RAPGEF5: variants seen among roughly 807,000 people sequenced by gnomAD.
RAPGEF5 encodes M-Ras-regulated GEF.
Under a neutral mutation model 125.2 loss-of-function variants are expected in RAPGEF5, and 65 were observed. That is an observed-to-expected ratio of 0.52 (90% CI 0.43 to 0.64). RAPGEF5 has a LOEUF of 0.64. RAPGEF5 is among the 30% of genes least tolerant of loss of function. RAPGEF5 has a pLI of 0.00. For missense variants in RAPGEF5, 958 were observed against 1,048.1 expected (o/e 0.91, Z 1.19); for synonymous variants, 391 against 385.9 (o/e 1.01, Z -0.16).
chr7:22,233,642 C>A (rs921155927), intron 7 of RAPGEF5, among the ~76,000 whole-genome samples: 3 of 152,156 alleles, frequency 2.0e-5, no homozygotes, highest in Admixed American at 2.0e-4. Flanking sequence ...AAGCAATCCT[C>A]CCGTCTCGGC....
chr7:22,339,380 T>C (rs374807283), intron 1 of RAPGEF5, among the ~76,000 whole-genome samples: 6 of 152,204 alleles, frequency 3.9e-5, no homozygotes, highest in Admixed American at 6.5e-5. Context: ...GCCAGTAACA[T>C]TGCCACATAG....
intron 7 of RAPGEF5, among the ~76,000 whole-genome samples, chr7:22,255,653 T>G (rs1450464098): frequency 6.6e-6 from 1 of 152,120 alleles, no homozygotes; most frequent in Admixed American, 6.5e-5. Context: ...CTTTGATATA[T>G]CATATATATT....
chr7:22,343,449 T>C (rs1477563230), intron 1 of RAPGEF5, among the ~76,000 whole-genome samples: 1 of 152,224 alleles, frequency 6.6e-6, no homozygotes, highest in Non-Finnish European at 1.5e-5. Flanking sequence ...GATTGGGGGC[T>C]TGTTTTGTCT....
chr7:22,328,866 G>A (rs1433158077), intron 1 of RAPGEF5, among the ~76,000 whole-genome samples: 1 of 152,152 alleles, frequency 6.6e-6, no homozygotes, highest in Non-Finnish European at 1.5e-5. Context: ...GAACAACAGG[G>A]CAAAGAGGCC....
chr7:22,193,255 G>T, intron 11 of RAPGEF5, 112 bp downstream of exon 11: 1 of 1,174,264 alleles, frequency 8.5e-7, no homozygotes, highest in Non-Finnish European at 1.2e-6. Context: ...CAAAGCATAT[G>T]CTATTTCTCC....
intron 6 of RAPGEF5, among the ~76,000 whole-genome samples, chr7:22,285,688 T>A (rs1782780634): frequency 6.6e-6 from 1 of 152,202 alleles, no homozygotes; most frequent in Non-Finnish European, 1.5e-5. Context: ...CTGTGAAAGA[T>A]ACACCCTTCA....
chr7:22,247,867 G>T (rs1165424459), intron 7 of RAPGEF5, among the ~76,000 whole-genome samples: 1 of 152,042 alleles, frequency 6.6e-6, no homozygotes, highest in Admixed American at 6.6e-5. Context: ...GTGAATTAAC[G>T]CAGGAACAGA....
chr7:22,274,727 C>T (rs763841557), intron 6 of RAPGEF5, among the ~76,000 whole-genome samples: 1 of 152,124 alleles, frequency 6.6e-6, no homozygotes, highest in Non-Finnish European at 1.5e-5. Flanking sequence ...ATAAGGTATC[C>T]CTGATTTAGC....
chr7:22,156,715 G>C, intron 16 of RAPGEF5, 95 bp downstream of exon 16: 1 of 1,575,180 alleles, frequency 6.3e-7, no homozygotes, highest in Non-Finnish European at 8.6e-7. Context: ...GTGACAGCTG[G>C]AAATGAAGGT....
chr7:22,318,168 C>A, intron 1 of RAPGEF5, 131 bp from the exon 2 acceptor site: 1 of 912,072 alleles, frequency 1.1e-6, no homozygotes, highest in Non-Finnish European at 1.6e-6. Flanking sequence ...GCTTAAATCT[C>A]AAATCATGGT....
chr7:22,190,383 A>G (rs893435448), intron 11 of RAPGEF5, among the ~76,000 whole-genome samples: 1 of 152,204 alleles, frequency 6.6e-6, no homozygotes, highest in African/African-American at 2.4e-5. Context: ...TACTTGAGGG[A>G]TTATGAAAAT....
At chr7:22,144,665 C>T (rs1177505549) in intron 20 of RAPGEF5, among the ~76,000 whole-genome samples, 1 of 152,134 alleles carries the variant, frequency 6.6e-6, no homozygotes, top group Non-Finnish European at 1.5e-5. Flanking sequence ...GAGCAATGAG[C>T]AGGTCCTACA....
chr7:22,248,523 C>T (rs1225670345), intron 7 of RAPGEF5, among the ~76,000 whole-genome samples: 1 of 152,198 alleles, frequency 6.6e-6, no homozygotes, highest in African/African-American at 2.4e-5. Context: ...GATGGACACA[C>T]CACTTCCCTG....
intron 11 of RAPGEF5, among the ~76,000 whole-genome samples, chr7:22,173,904 T>G (rs1238041909): frequency 6.6e-6 from 1 of 152,130 alleles, no homozygotes; most frequent in African/African-American, 2.4e-5. Flanking sequence ...TCATGGCATA[T>G]GCATGCGTCT....
chr7:22,320,806 T>C (rs1202131234), intron 1 of RAPGEF5, among the ~76,000 whole-genome samples: 4 of 152,204 alleles, frequency 2.6e-5, no homozygotes. Flanking sequence ...ATCCTTAATT[T>C]AGAAAACCCA....
intron 9 of RAPGEF5, among the ~76,000 whole-genome samples, chr7:22,216,737 T>G (rs1035326184): frequency 4.6e-5 from 7 of 152,338 alleles, no homozygotes; most frequent in Middle Eastern, 6.8e-3. Context: ...TGCTTGCTCA[T>G]TGTGCCTACA....
At chr7:22,282,303 T>C (rs778734891) in intron 6 of RAPGEF5, among the ~76,000 whole-genome samples, 26 of 152,328 alleles carry the variant, frequency 1.7e-4, no homozygotes, top group Non-Finnish European at 2.8e-4. Context: ...CAAAACCTGA[T>C]AACCAGTCTG....
intron 17 of RAPGEF5, 113 bp downstream of exon 17, chr7:22,154,342 C>T: frequency 3.3e-6 from 4 of 1,223,802 alleles, no homozygotes; most frequent in Non-Finnish European, 3.4e-6. Flanking sequence ...TGTGGTCATC[C>T]AGCTGCGGGC....
At chr7:22,229,643 A>G (rs1786009965) in intron 8 of RAPGEF5, among the ~76,000 whole-genome samples, 1 of 152,218 alleles carries the variant, frequency 6.6e-6, no homozygotes, top group African/African-American at 2.4e-5. Flanking sequence ...CTCACCTCGC[A>G]TGACTTGAAC....
Sources: allele counts gnomAD v4.1 joint callset (sites outside exome capture counted in the v4.1 genomes callset), GRCh38; gene constraint gnomAD v4.1.1; transcripts MANE v1.5; gene names NCBI Gene and HGNC (gene_info 2026-07-23, HGNC 2026-07-21).